CTNND1: variants seen among roughly 807,000 people sequenced by gnomAD.
CTNND1 encodes catenin delta 1.
CTNND1 carries 16 observed loss-of-function variants against 112.1 expected under a neutral mutation model. That is an observed-to-expected ratio of 0.14 (90% CI 0.10 to 0.22). The LOEUF (loss-of-function observed/expected upper bound fraction) is 0.22. Ranked by LOEUF, CTNND1 falls within the 10% of genes least tolerant of loss-of-function variation. The pLI is 1.00. For synonymous variants in CTNND1, 420 were observed against 446.5 expected, an observed-to-expected ratio of 0.94 and a Z score of 0.75; for missense variants, 1,008 against 1,257.0, an observed-to-expected ratio of 0.80 and a Z score of 3.00.
Position 57,805,941 on chromosome 11 carries a change from C to T in CTNND1, c.1782C>T (p.Ile594=), listed in dbSNP as rs2062616899. The change falls in exon 10 of 21, where the codon ATC becomes ATT. Residue 594 remains isoleucine, a synonymous_variant. Coordinates refer to ENST00000399050, the MANE Select transcript of CTNND1 (RefSeq NM_001085458.2). ...RNLSYQVHRE[I]PQAERYQEAA... is the part of the protein sequence containing the mutation. Reference sequence around the variant, plus strand: ...TATCATATCAAGTTCACCGGGAGATCCCACAGGCAGAGCGTTACCAAGAGG... The same window carrying T: ...TATCATATCAAGTTCACCGGGAGATTCCACAGGCAGAGCGTTACCAAGAGG... The T allele has an allele frequency of 1.2e-6, 2 of 1,613,480 alleles. No individual in the cohort carries two copies. The highest frequency in any genetic ancestry group is 1.3e-5 in the African/African-American group (1 of 74,912).
intron 6 of CTNND1, among the ~76,000 whole-genome samples, chr11:57,800,225 AT>A (rs990798542): frequency 8.6e-5 from 13 of 150,868 alleles, no homozygotes; most frequent in Admixed American, 5.3e-4. Context: ...CTGTTTGGGC[AT>A]TTTTAGTACC....
intron 1 of CTNND1, among the ~76,000 whole-genome samples, chr11:57,784,281 T>C (rs557132737): frequency 2.0e-5 from 3 of 150,954 alleles, no homozygotes; most frequent in Non-Finnish European, 4.4e-5. Flanking sequence ...CAGTGGCTCA[T>C]GCCAGTAATC....
chr11:57,777,145 G>T (rs185272838), intron 1 of CTNND1, among the ~76,000 whole-genome samples: 2 of 152,296 alleles, frequency 1.3e-5, no homozygotes, highest in Admixed American at 1.3e-4. Flanking sequence ...ATGCTTCAGT[G>T]ATAGAGTTTG....
chr11:57,803,899 TC>T lies in CTNND1; in HGVS notation c.1604+96del, dbSNP rs2062324699. 5.1e-6 allele frequency: 5 copies of T among 989,958 alleles called. No individual in the cohort carries two copies. In the South Asian group the frequency reaches 9.3e-5, roughly 18 times the overall value. The allele number at this position is 989,958 out of a possible 1,614,324, so 61.3% of individuals were successfully genotyped here. On this transcript the variant is annotated intron_variant, in intron 8 of 20. Coordinates refer to ENST00000399050, the MANE Select transcript of CTNND1 (RefSeq NM_001085458.2). ...AAAAAATTAAAATTCTTTAGCCTAT[TC>T]TTTAGCCTCCATTCCTATCTGTATT...
intron 1 of CTNND1, among the ~76,000 whole-genome samples, chr11:57,766,106 AAAT>A (rs1244861745): frequency 1.3e-5 from 2 of 152,136 alleles, no homozygotes; most frequent in African/African-American, 4.8e-5. Flanking sequence ...CTATCTCAAA[AAAT>A]AATAATAATA....
intron 1 of CTNND1, among the ~76,000 whole-genome samples, chr11:57,772,867 C>T (rs1204739252): frequency 6.6e-6 from 1 of 152,014 alleles, no homozygotes; most frequent in African/African-American, 2.4e-5. Flanking sequence ...CTCTTTCTCT[C>T]ACCCGTCTCC....
In CTNND1 at chr11:57,791,595, G is replaced by A. The variant is rs767908593; in HGVS notation, c.117G>A (p.Ala39=). ...AGGAGGAACGGCGCCACGTCTCGGC[G>A]CAGCTGGAACGCGTCCGGGTCTCAC... ...ALEEERRHVS[A]QLERVRVSPQ... is the part of the protein sequence containing the mutation. The change falls in exon 3 of 21, where the codon GCG becomes GCA. Residue 39 remains alanine (A), a synonymous_variant. Coordinates refer to ENST00000399050, the MANE Select transcript of CTNND1 (RefSeq NM_001085458.2). 6 of 1,611,298 alleles carry A rather than the reference G, an allele frequency of 3.7e-6. No individual in the cohort carries two copies. In the Admixed American group the frequency reaches 5.0e-5, roughly 14 times the overall value.
chr11:57,817,989 C>T lies in CTNND1; in HGVS notation c.*1681C>T, dbSNP rs1406065070. The T allele has an allele frequency of 6.6e-6, 1 of 152,534 alleles. No homozygotes were observed. Among genetic ancestry groups the T allele is most frequent in the African/African-American group, 2.4e-5 (1 of 41,402 alleles). The allele number at this position is 152,534 out of a possible 1,614,324, so 9.4% of individuals were successfully genotyped here. A position where few individuals can be genotyped will look rare whatever the true frequency, so the allele number is the denominator to read the frequency against. On this transcript the variant is annotated 3_prime_UTR_variant, in exon 21 of 21. Transcript: ENST00000399050. ...TATGGGGTAGGAGAAAAGTGCACAA[C>T]CCACCACCCCCTTTACTCGTGCATT...
intron 8 of CTNND1, 140 bp from the exon 9 acceptor site, chr11:57,804,523 A>G (rs1591597007): frequency 3.2e-6 from 2 of 626,286 alleles, no homozygotes; most frequent in East Asian, 5.7e-5. Flanking sequence ...CTTTCTCTCA[A>G]CTGCAGTACC....
chr11:57,809,159 G>A, intron 14 of CTNND1, 115 bp from the exon 15 acceptor site: 1 of 715,586 alleles, frequency 1.4e-6, no homozygotes, highest in Non-Finnish European at 2.3e-6. Flanking sequence ...GGATAATGAA[G>A]TTGATTCATG....
intron 6 of CTNND1, among the ~76,000 whole-genome samples, chr11:57,801,072 G>A (rs779697993): frequency 6.6e-6 from 1 of 152,182 alleles, no homozygotes; most frequent in African/African-American, 2.4e-5. Flanking sequence ...TAGCAGACAT[G>A]ACCTTGGAAT....
At chr11:57,801,000 G>A (rs2061966217) in intron 6 of CTNND1, among the ~76,000 whole-genome samples, 2 of 152,304 alleles carry the variant, frequency 1.3e-5, no homozygotes, top group East Asian at 3.9e-4. Context: ...TTTTGAAAGA[G>A]CTGGAGGTAT....
chr11:57,767,205 C>T (rs1422013592), intron 1 of CTNND1, among the ~76,000 whole-genome samples: 1 of 152,176 alleles, frequency 6.6e-6, no homozygotes, highest in Non-Finnish European at 1.5e-5. Context: ...CTCCTGACTT[C>T]ATGATCCGCC....
intron 20 of CTNND1, 104 bp from the exon 21 acceptor site, chr11:57,816,193 G>A (rs2063963623): frequency 7.1e-7 from 1 of 1,416,920 alleles, no homozygotes; most frequent in South Asian, 1.2e-5. Flanking sequence ...CTGATTCTCC[G>A]TTATGTGCTG....
At chr11:57,808,632 G>A in intron 14 of CTNND1, 92 bp downstream of exon 14, 1 of 1,281,820 alleles carries the variant, frequency 7.8e-7, no homozygotes, top group Non-Finnish European at 1.0e-6. Flanking sequence ...TTATTGAAAT[G>A]ACTGAAGGGA....
chr11:57,805,754 T>G, intron 9 of CTNND1, 128 bp from the exon 10 acceptor site: 8 of 1,083,352 alleles, frequency 7.4e-6, no homozygotes, highest in Non-Finnish European at 1.0e-5. Context: ...AGAGGCATCC[T>G]GAGAAGTTAT....
rs928972963 is a variant in CTNND1 at position 57,780,707 on chromosome 11, T to G, written c.-213-8330T>G. Among the ~76,000 whole-genome samples the G allele has an allele frequency of 3.3e-5, 5 of 152,334 alleles. No individual in the cohort carries two copies. The East Asian group carries it at 9.6e-4, about 29-fold the overall frequency. ...AGGACCTTAACACTTCTGATTGATT[T>G]ATTTATAGATTGACATGCTCTGTCT... On this transcript the variant is annotated intron_variant, in intron 1 of 20. Coordinates refer to ENST00000399050, the MANE Select transcript of CTNND1 (RefSeq NM_001085458.2).
chr11:57,808,838 G>C (rs1413523521), intron 14 of CTNND1, among the ~76,000 whole-genome samples: 7 of 152,040 alleles, frequency 4.6e-5, no homozygotes, highest in African/African-American at 1.4e-4. Flanking sequence ...ACTTTACAAA[G>C]GTCCATTTTT....
At position 57,810,297 on chromosome 11, in the gene CTNND1, G is replaced by A. The variant is rs572608509; in HGVS notation, c.2550+74G>A. ...CAGGATAATGCTTCTGTTTTCTTTC[G>A]TTTCTTCCATTTCACCATCATGCTA... is the stretch of plus-strand genomic sequence containing the variant. On this transcript the variant is annotated intron_variant, in intron 16 of 20. Transcript: ENST00000399050. The A allele has an allele frequency of 2.1e-4, 237 of 1,117,246 alleles. 1 individual carries two copies. The highest frequency in any genetic ancestry group is 1.0e-4 in the Non-Finnish European group (80 of 788,362). 69.2% of individuals were successfully genotyped at this position (1,117,246 alleles called of 1,614,324 possible). A position where few individuals can be genotyped will look rare whatever the true frequency, so the allele number is the denominator to read the frequency against.
Sources: allele counts gnomAD v4.1 joint callset (sites outside exome capture counted in the v4.1 genomes callset), GRCh38; gene constraint gnomAD v4.1.1; transcripts MANE v1.5; gene names NCBI Gene and HGNC (gene_info 2026-07-23, HGNC 2026-07-21).